The following CDH4 variants were observed in gnomAD, a reference collection of about 807,000 sequenced individuals.
CDH4 encodes the protein cadherin-4.
CDH4 carries 33 observed loss-of-function variants against 86.0 expected under a neutral mutation model. That is an observed-to-expected ratio of 0.38 (90% CI 0.29 to 0.51). The LOEUF is 0.51. CDH4 is among the 20% of genes least tolerant of loss of function. CDH4 has a pLI of 0.86. For missense variants in CDH4, 1,114 were observed against 1,307.4 expected (o/e 0.85, Z 2.28); for synonymous variants, 555 against 549.4 (o/e 1.01, Z -0.14).
chr20:61,401,505 T>C lies in CDH4; in HGVS notation c.169+146568T>C, dbSNP rs1464877332. Among the ~76,000 whole-genome samples, 4 of 152,216 alleles carry C rather than the reference T, an allele frequency of 2.6e-5. No homozygotes were observed. In the South Asian group the frequency reaches 8.3e-4, roughly 32 times the overall value. ...GAAATGAGAGAAACGTAACTCGTGC[T>C]CGTGCAGCCAAGAGGGGCATGGGCT... On this transcript the variant is annotated intron_variant, in intron 2 of 15. Transcript: ENST00000614565.
intron 2 of CDH4, among the ~76,000 whole-genome samples, chr20:61,724,718 C>A (rs989975193): frequency 6.6e-6 from 1 of 152,200 alleles, no homozygotes; most frequent in Non-Finnish European, 1.5e-5. Context: ...AAGATTCTGT[C>A]TTGTAGTCCT....
Position 61,895,133 on chromosome 20 carries a change from C to T in CDH4, c.1188+86C>T, listed in dbSNP as rs148554450. ...TGCGGCACAGCCTCCTCTCTCTCTG[C>T]GGCTCTGCCTGACGGGCACTTGGCA... On this transcript the variant is annotated intron_variant, in intron 8 of 15. Transcript: ENST00000614565. 2.2e-5 allele frequency: 32 copies of T among 1,483,378 alleles called. No individual in the cohort carries two copies. The East Asian group carries it at 2.5e-4, about 12-fold the overall frequency. The allele number at this position is 1,483,378 out of a possible 1,614,324, so 91.9% of individuals were successfully genotyped here. A position where few individuals can be genotyped will look rare whatever the true frequency, so the allele number is the denominator to read the frequency against.
At chr20:61,498,521 A>G (rs2085678324) in intron 2 of CDH4, among the ~76,000 whole-genome samples, 1 of 152,188 alleles carries the variant, frequency 6.6e-6, no homozygotes, top group Admixed American at 6.5e-5. Flanking sequence ...TAAAAATAAC[A>G]TGGAATTTGA....
At chr20:61,664,430 C>T (rs1179208517) in intron 2 of CDH4, among the ~76,000 whole-genome samples, 4 of 152,208 alleles carry the variant, frequency 2.6e-5, no homozygotes, top group Non-Finnish European at 5.9e-5. Context: ...CTGGTCCCCA[C>T]TCCTGTGTGG....
chr20:61,253,088 G>C (rs1203718792), intron 1 of CDH4, among the ~76,000 whole-genome samples: 1 of 151,584 alleles, frequency 6.6e-6, no homozygotes, highest in Admixed American at 6.6e-5. Flanking sequence ...CCGTCTAGCG[G>C]CGCCGCTCAG....
intron 2 of CDH4, among the ~76,000 whole-genome samples, chr20:61,297,776 G>T (rs537043628): frequency 6.6e-6 from 1 of 152,258 alleles, no homozygotes; most frequent in African/African-American, 2.4e-5. Context: ...CCCCTTTACC[G>T]GGGCTTCCCA....
chr20:61,907,189 G>GC (rs201652845), intron 8 of CDH4, among the ~76,000 whole-genome samples: 7 of 151,964 alleles, frequency 4.6e-5, no homozygotes, highest in Non-Finnish European at 1.0e-4. Context: ...CCACCCCCAG[G>GC]CCCCCCCGGG....
chr20:61,836,902 G>T (rs995340999), intron 4 of CDH4, among the ~76,000 whole-genome samples: 1 of 152,248 alleles, frequency 6.6e-6, no homozygotes, highest in Non-Finnish European at 1.5e-5. Context: ...TTTTAAAAGT[G>T]GGGGTAGGGG....
intron 4 of CDH4, among the ~76,000 whole-genome samples, chr20:61,835,007 A>C (rs908948326): frequency 2.0e-5 from 3 of 152,226 alleles, no homozygotes; most frequent in Non-Finnish European, 4.4e-5. Flanking sequence ...CCGGCTTCCT[A>C]AGCTTACAGT....
chr20:61,458,707 G>A (rs1297708747), intron 2 of CDH4, among the ~76,000 whole-genome samples: 2 of 151,918 alleles, frequency 1.3e-5, no homozygotes, highest in Non-Finnish European at 2.9e-5. Flanking sequence ...GGTGTAGTGG[G>A]GGTGATGAAG....
intron 2 of CDH4, among the ~76,000 whole-genome samples, chr20:61,561,500 T>A (rs2086216489): frequency 6.6e-6 from 1 of 152,196 alleles, no homozygotes; most frequent in Non-Finnish European, 1.5e-5. Context: ...GTGTGTCCAA[T>A]GTACTTAGAA....
At chr20:61,882,452 T>A (rs1399421953) in intron 7 of CDH4, among the ~76,000 whole-genome samples, 1 of 152,188 alleles carries the variant, frequency 6.6e-6, no homozygotes, top group Non-Finnish European at 1.5e-5. Flanking sequence ...AACGAGAGAT[T>A]TCTATTCAAA....
At chr20:61,311,301 GA>G (rs2084444374) in intron 2 of CDH4, among the ~76,000 whole-genome samples, 1 of 152,106 alleles carries the variant, frequency 6.6e-6, no homozygotes, top group African/African-American at 2.4e-5. Context: ...AATCAGAAAG[GA>G]AAAGATGGAT....
At chr20:61,789,800 T>C (rs187858198) in intron 4 of CDH4, among the ~76,000 whole-genome samples, 2 of 152,326 alleles carry the variant, frequency 1.3e-5, no homozygotes, top group Non-Finnish European at 2.9e-5. Context: ...AAAGGAAGTA[T>C]GGTTGTCCTA....
intron 2 of CDH4, among the ~76,000 whole-genome samples, chr20:61,614,138 A>G (rs188284481): frequency 2.6e-5 from 4 of 152,162 alleles, no homozygotes; most frequent in Admixed American, 1.3e-4. Context: ...GAGTGTCTCT[A>G]TGCTTATGAG....
intron 2 of CDH4, among the ~76,000 whole-genome samples, chr20:61,398,049 G>A (rs1452666646): frequency 6.6e-6 from 1 of 152,188 alleles, no homozygotes; most frequent in Non-Finnish European, 1.5e-5. Flanking sequence ...TCCTGAACCA[G>A]CCAGAAGTGT....
At chr20:61,620,138 C>G (rs1201877258) in intron 2 of CDH4, among the ~76,000 whole-genome samples, 1 of 5,074 alleles carries the variant, frequency 2.0e-4, no homozygotes, top group African/African-American at 1.0e-3. Context: ...CACTGGGTAC[C>G]ACTTGGAAAG....
chr20:61,540,468 A>G (rs1156622789), intron 2 of CDH4, among the ~76,000 whole-genome samples: 2 of 152,094 alleles, frequency 1.3e-5, no homozygotes, highest in Admixed American at 6.5e-5. Context: ...CTCACCTGTC[A>G]TCACTGAGAC....
intron 4 of CDH4, among the ~76,000 whole-genome samples, chr20:61,814,608 G>A (rs1369865574): frequency 2.0e-5 from 3 of 152,244 alleles, no homozygotes; most frequent in Non-Finnish European, 4.4e-5. Flanking sequence ...TGTGGAAATG[G>A]ACCCCCGTTA....
Sources: allele counts gnomAD v4.1 joint callset (sites outside exome capture counted in the v4.1 genomes callset), GRCh38; gene constraint gnomAD v4.1.1; transcripts MANE v1.5; gene names NCBI Gene and HGNC (gene_info 2026-07-23, HGNC 2026-07-21).